AGO4: variants seen among roughly 807,000 people sequenced by gnomAD.
AGO4 encodes the protein argonaute RISC component 4, also known as protein argonaute-4.
Under a neutral mutation model 104.7 loss-of-function variants are expected in AGO4, and 33 were observed. The ratio of observed to expected loss-of-function variants is 0.32; its 90% CI spans 0.24 to 0.42. The LOEUF is 0.42. Among genes scored for constraint, AGO4 ranks in the 10% least tolerant of loss-of-function variants. The pLI is 1.00. For synonymous variants in AGO4, 331 were observed against 364.7 expected (o/e 0.91, Z 1.05); for missense variants, 711 against 1,083.4 (o/e 0.66, Z 4.83).
rs754797311 is a variant in AGO4 at position 35,811,289 on chromosome 1, C to T, written c.19+2854C>T. 4.6e-5 allele frequency among the ~76,000 whole-genome samples: 7 copies of T among 151,558 alleles called. No homozygotes were observed. The East Asian group carries it at 5.9e-4, about 13-fold the overall frequency. On this transcript the variant is annotated intron_variant, in intron 1 of 17. Transcript: ENST00000373210. ...AGGAGTTCAAGACCAGCCTGGCCAA[C>T]GTAGTGAAACCCGTCTCTACTAAAA... is the stretch of plus-strand genomic sequence containing the variant.
At chr1:35,834,390 A>G (rs1644256294) in intron 12 of AGO4, among the ~76,000 whole-genome samples, 2 of 152,194 alleles carry the variant, frequency 1.3e-5, no homozygotes, top group Admixed American at 1.3e-4. Context: ...CCAGCTTGGC[A>G]GAGCAGCTGC....
Position 35,825,356 on chromosome 1 carries a change from C to T in AGO4, c.350C>T (p.Thr117Ile). The T allele has an allele frequency of 1.2e-6, 2 of 1,614,136 alleles. No individual in the cohort carries two copies. Among genetic ancestry groups the T allele is most frequent in the Non-Finnish European group, 1.7e-6 (2 of 1,180,036 alleles). ...VTLPGEGKDQTFKVSVQWVSV... is the reference protein window; with the variant it reads ...VTLPGEGKDQIFKVSVQWVSV... Reference sequence around the variant, plus strand: ...CTTCCAGGCGAGGGTAAAGACCAAACATTTAAAGTGTCTGTTCAGTGGGTG... The same window carrying T: ...CTTCCAGGCGAGGGTAAAGACCAAATATTTAAAGTGTCTGTTCAGTGGGTG... Residue 117 changes from threonine (T) to isoleucine (I), a missense_variant, in exon 4 of 18, where the codon ACA becomes ATA. Physicochemically the swap from Thr to Ile is moderately conservative, Grantham distance 89. Around this residue, in one of 3 missense-constraint regions of AGO4, gnomAD observed 308 missense variants for 397.8 expected, o/e 0.77. Transcript: ENST00000373210.
Position 35,841,556 on chromosome 1 carries a change from T to C in AGO4, c.2041-60T>C. The C allele has an allele frequency of 2.5e-6, 4 of 1,612,550 alleles. No homozygotes were observed. The highest frequency in any genetic ancestry group is 1.1e-5 in the South Asian group (1 of 91,012). ...GATTCCTCTCATCTACCATTCTGGG[T>C]AGATCTGAGAGATACTAGGCAAATT... On this transcript the variant is annotated intron_variant, in intron 14 of 17. Coordinates refer to ENST00000373210, the MANE Select transcript of AGO4 (RefSeq NM_017629.4). This position sits in a 1 kb window ranked among gnomAD's most constrained non-coding sequence, Gnocchi z 4.7.
intron 13 of AGO4, among the ~76,000 whole-genome samples, chr1:35,837,256 G>A (rs1370761297): frequency 6.6e-6 from 1 of 151,802 alleles, no homozygotes; most frequent in Admixed American, 6.6e-5. Context: ...CTATTTTTTT[G>A]TATTTTTAGT....
At chr1:35,811,711 C>T (rs1220616133) in intron 1 of AGO4, among the ~76,000 whole-genome samples, 1 of 151,964 alleles carries the variant, frequency 6.6e-6, no homozygotes, top group African/African-American at 2.4e-5. Flanking sequence ...TCAAGCAGTT[C>T]TCTGCCTCAG....
intron 15 of AGO4, among the ~76,000 whole-genome samples, chr1:35,845,831 C>A (rs183844912): frequency 6.6e-6 from 1 of 152,316 alleles, no homozygotes; most frequent in Admixed American, 6.5e-5. Flanking sequence ...GCTTTTTGAT[C>A]ATATTACACA....
At chr1:35,825,638 C>G (rs749213607) in intron 4 of AGO4, 41 bp from the exon 5 acceptor site, 7 of 1,530,048 alleles carry the variant, frequency 4.6e-6, no homozygotes, top group Non-Finnish European at 6.1e-6. Context: ...AAGGACCTTT[C>G]ACATGTTTAA....
At chr1:35,834,486 G>A (rs554621774) in intron 12 of AGO4, among the ~76,000 whole-genome samples, 48 of 152,226 alleles carry the variant, frequency 3.2e-4, no homozygotes, top group Middle Eastern at 3.4e-3. Context: ...CCCAACTTGC[G>A]TGGGAGCAGT....
chr1:35,843,031 GT>G (rs1309726748), intron 15 of AGO4, among the ~76,000 whole-genome samples: 5 of 152,040 alleles, frequency 3.3e-5, no homozygotes, highest in Non-Finnish European at 5.9e-5. Flanking sequence ...GTACACTCTA[GT>G]TTTTTTGTCT....
At position 35,816,089 on chromosome 1, in the gene AGO4, T is replaced by A. The variant is rs193284731; in HGVS notation, c.20-793T>A. Among the ~76,000 whole-genome samples, 5 of 152,330 alleles carry A rather than the reference T, an allele frequency of 3.3e-5. No individual in the cohort carries two copies. In the East Asian group the frequency reaches 9.6e-4, roughly 29 times the overall value. On this transcript the variant is annotated intron_variant, in intron 1 of 17. Transcript: ENST00000373210. ...TAGCTTTATTGGTATTGTTTCACTATCGAAATTAGCAAATAAATTGATAAA... is the reference window on the plus strand; with the variant it reads ...TAGCTTTATTGGTATTGTTTCACTAACGAAATTAGCAAATAAATTGATAAA...
chr1:35,850,335 T>G, intron 16 of AGO4, 77 bp downstream of exon 16: 1 of 1,096,378 alleles, frequency 9.1e-7, no homozygotes, highest in Non-Finnish European at 1.4e-6. Context: ...TGAGTCGACT[T>G]GTTATTTAAC....
intron 2 of AGO4, among the ~76,000 whole-genome samples, chr1:35,819,790 T>G (rs1343035719): frequency 7.1e-6 from 1 of 140,012 alleles, no homozygotes; most frequent in African/African-American, 2.7e-5. Context: ...AGAGTGAGAC[T>G]CTGAGTCTTA....
intron 2 of AGO4, among the ~76,000 whole-genome samples, chr1:35,818,698 G>T (rs1643808812): frequency 6.6e-6 from 1 of 151,082 alleles, no homozygotes; most frequent in Non-Finnish European, 1.5e-5. Context: ...AGGAAGGAAG[G>T]AAGGAAAGAA....
Position 35,808,277 on chromosome 1 carries a change from GCCCAGCGCCCGCGTCTCCGCGGCGCCAC to G in AGO4, c.-130_-103del. ...GGGCCGGGCGCCGCCGCCGCCCCCT[GCCCAGCGCCCGCGTCTCCGCGGCGCCAC>G]CCCAGCGCCAATATTCCGGAGATCA... is the stretch of plus-strand genomic sequence containing the variant. On this transcript the variant is annotated 5_prime_UTR_variant, in exon 1 of 18. Coordinates refer to ENST00000373210, the MANE Select transcript of AGO4 (RefSeq NM_017629.4). This position sits in a 1 kb window ranked among gnomAD's most constrained non-coding sequence, Gnocchi z 5.2. 3.1e-6 allele frequency: 1 copy of G among 319,816 alleles called. No individual in the cohort carries two copies. Among genetic ancestry groups the G allele is most frequent in the Non-Finnish European group, 4.5e-6 (1 of 221,422 alleles). The allele number at this position is 319,816 out of a possible 1,614,324, so 19.8% of individuals were successfully genotyped here.
chr1:35,817,256 C>A (rs1643740810), intron 2 of AGO4, among the ~76,000 whole-genome samples: 2 of 152,056 alleles, frequency 1.3e-5, no homozygotes, highest in Admixed American at 1.3e-4. Flanking sequence ...TCAGTAAACA[C>A]TTATTTAATT....
intron 1 of AGO4, among the ~76,000 whole-genome samples, chr1:35,813,380 G>T (rs1194086440): frequency 6.6e-6 from 1 of 151,178 alleles, no homozygotes; most frequent in Non-Finnish European, 1.5e-5. Context: ...CTGCACTCCA[G>T]CCTGGGTGAC....
chr1:35,820,767 A>G (rs147023604), intron 2 of AGO4, among the ~76,000 whole-genome samples: 23 of 152,270 alleles, frequency 1.5e-4, no homozygotes, highest in African/African-American at 5.3e-4. Flanking sequence ...AGAGAAGACA[A>G]TTCTTGGAAT....
intron 7 of AGO4, among the ~76,000 whole-genome samples, chr1:35,827,300 A>T (rs2148662784): frequency 6.6e-6 from 1 of 151,988 alleles, no homozygotes. Context: ...CAGGCAGATC[A>T]CTTGAAGTCA....
In AGO4 at chr1:35,856,403, T is replaced by G. The variant is rs529481711; in HGVS notation, c.*2798T>G. 6.6e-6 allele frequency: 1 copy of G among 152,372 alleles called. No homozygotes were observed. Among genetic ancestry groups the G allele is most frequent in the East Asian group, 1.9e-4 (1 of 5,186 alleles). 9.4% of individuals were successfully genotyped at this position (152,372 alleles called of 1,614,324 possible). On this transcript the variant is annotated 3_prime_UTR_variant, in exon 18 of 18. Transcript: ENST00000373210. ...TGTGTCAATCAATGGGAGGTGTGCA[T>G]TCTCTAGAAGTAGTTTTAGGCTGTT...
Sources: allele counts gnomAD v4.1 joint callset (sites outside exome capture counted in the v4.1 genomes callset), GRCh38; gene constraint gnomAD v4.1.1; regional missense constraint gnomAD v4.1.1; non-coding constraint Gnocchi (gnomAD v3.1); transcripts MANE v1.5; gene names NCBI Gene and HGNC (gene_info 2026-07-23, HGNC 2026-07-21).